The following CNGA3 variants were observed in gnomAD, a reference collection of about 807,000 sequenced individuals.
CNGA3 encodes the protein cyclic nucleotide gated channel subunit alpha 3, also known as cyclic nucleotide-gated channel alpha-3.
In CNGA3, 42 loss-of-function variants were observed where a neutral mutation model predicts 46.6. That is an observed-to-expected ratio of 0.90 (90% confidence interval 0.70 to 1.17). CNGA3 has a LOEUF of 1.17. Ranked by LOEUF, CNGA3 falls within the 50% of genes most tolerant of loss-of-function variation. The probability of loss-of-function intolerance (pLI) is 0.00; values close to 1 mark genes in which losing one functional copy is unlikely to be tolerated. For missense variants in CNGA3, 893 were observed against 890.7 expected, an observed-to-expected ratio of 1.00 and a Z score of -0.03; for synonymous variants, 394 against 369.4, an observed-to-expected ratio of 1.07 and a Z score of -0.76.
At chr2:98,348,660 T>C (rs552601807) in intron 1 of CNGA3, among the ~76,000 whole-genome samples, 1 of 152,348 alleles carries the variant, frequency 6.6e-6, no homozygotes, top group Non-Finnish European at 1.5e-5. Flanking sequence ...GCCATGCTTT[T>C]TTCTCTACTG....
intron 1 of CNGA3, among the ~76,000 whole-genome samples, chr2:98,348,999 G>GA (rs1456694313): frequency 3.9e-5 from 6 of 152,236 alleles, no homozygotes; most frequent in African/African-American, 1.4e-4. Flanking sequence ...AGCAAGAGAG[G>GA]AAAATCTCTC....
intron 1 of CNGA3, among the ~76,000 whole-genome samples, chr2:98,350,547 A>G (rs1691749084): frequency 6.6e-6 from 1 of 152,172 alleles, no homozygotes; most frequent in Non-Finnish European, 1.5e-5. Flanking sequence ...CAACCTGAAC[A>G]GCTGAATCTT....
At chr2:98,369,027 T>C (rs1190016318) in intron 1 of CNGA3, among the ~76,000 whole-genome samples, 9 of 152,244 alleles carry the variant, frequency 5.9e-5, no homozygotes, top group Non-Finnish European at 5.9e-5. Flanking sequence ...TCTGGAATAA[T>C]GGCTGATAAT....
At chr2:98,347,922 G>A (rs1691678973) in intron 1 of CNGA3, among the ~76,000 whole-genome samples, 1 of 152,234 alleles carries the variant, frequency 6.6e-6, no homozygotes, top group African/African-American at 2.4e-5. Flanking sequence ...GGAGTCCAAT[G>A]TACAGCGTGC....
intron 1 of CNGA3, among the ~76,000 whole-genome samples, chr2:98,358,041 C>T (rs149143245): frequency 6.4e-4 from 97 of 152,338 alleles, no homozygotes; most frequent in African/African-American, 2.2e-3. Context: ...GGAAGTGCCT[C>T]GCACCCAGGG....
intron 1 of CNGA3, among the ~76,000 whole-genome samples, chr2:98,355,612 C>T (rs1353920076): frequency 6.6e-6 from 1 of 152,186 alleles, no homozygotes; most frequent in Admixed American, 6.5e-5. Context: ...ACTGACATGT[C>T]TTCTGTACCA....
chr2:98,352,110 A>G (rs375822166), intron 1 of CNGA3, among the ~76,000 whole-genome samples: 1 of 152,114 alleles, frequency 6.6e-6, no homozygotes, highest in Non-Finnish European at 1.5e-5. Context: ...GAAATTATAT[A>G]TTATGTGACT....
intron 6 of CNGA3, 37 bp downstream of exon 6, chr2:98,389,811 G>A (rs1193518648): frequency 2.6e-5 from 41 of 1,561,822 alleles, no homozygotes; most frequent in Non-Finnish European, 3.6e-5. Flanking sequence ...CGGAAAGGGG[G>A]AAACCAGGGC....
rs186866525 is a variant in CNGA3 at position 98,378,475 on chromosome 2, G to A, written c.215+675G>A. 1.3e-3 allele frequency among the ~76,000 whole-genome samples: 200 copies of A among 152,280 alleles called. 3 individuals carry two copies. Among genetic ancestry groups the A allele is most frequent in the African/African-American group, 1.7e-4 (7 of 41,548 alleles). On this transcript the variant is annotated intron_variant, in intron 3 of 7. Coordinates refer to ENST00000272602, the MANE Select transcript of CNGA3 (RefSeq NM_001298.3). ...CAGGCTCATTATTTCCTTCCACCAC[G>A]TGGTTTTTTCCAATGCCAGAGTCTT...
rs1574392336 is a variant in CNGA3, at chr2:98,397,205, G to A, written c.2035G>A (p.Asp679Asn). 1 of 1,614,106 alleles carries A rather than the reference G, an allele frequency of 6.2e-7. No homozygotes were observed. Among genetic ancestry groups the A allele is most frequent in the Non-Finnish European group, 8.5e-7 (1 of 1,180,032 alleles). Reference protein sequence around the residue: ...VKGGGDKPLADGEVPGDATKT... With the variant: ...VKGGGDKPLANGEVPGDATKT... Reference sequence around the variant, plus strand: ...GGGTGGTGGGGACAAGCCCCTGGCTGATGGGGAAGTTCCCGGGGATGCTAC... The same window carrying A: ...GGGTGGTGGGGACAAGCCCCTGGCTAATGGGGAAGTTCCCGGGGATGCTAC... Residue 679 changes from aspartate to asparagine, a missense_variant, in exon 8 of 8, where the codon GAT becomes AAT. By Grantham distance (23) the Asp-to-Asn change is conservative. Around this residue, in one of 3 missense-constraint regions of CNGA3, gnomAD observed 548 missense variants for 570.8 expected, o/e 0.96. Transcript: ENST00000272602.
chr2:98,371,178 T>G (rs916135712), intron 2 of CNGA3, among the ~76,000 whole-genome samples: 2 of 152,192 alleles, frequency 1.3e-5, no homozygotes, highest in Non-Finnish European at 2.9e-5. Flanking sequence ...GCAACTTTCT[T>G]TCCAATGTTT....
intron 1 of CNGA3, among the ~76,000 whole-genome samples, chr2:98,366,833 G>T (rs556589232): frequency 1.3e-4 from 20 of 152,306 alleles, no homozygotes; most frequent in African/African-American, 4.3e-4. Context: ...TGTAGAGGCC[G>T]CCAAGAATCT....
At chr2:98,383,884 G>GTTGT (rs773655479) in intron 5 of CNGA3, among the ~76,000 whole-genome samples, 13 of 150,674 alleles carry the variant, frequency 8.6e-5, no homozygotes, top group Non-Finnish European at 1.3e-4. Context: ...TGTTGTTATT[G>GTTGT]TTGTTTGTTT....
chr2:98,386,595 C>T (rs115231906), intron 5 of CNGA3, among the ~76,000 whole-genome samples: 4,247 of 152,328 alleles, frequency 0.028, 138 homozygotes, highest in African/African-American at 0.082. Context: ...TACCCACCCT[C>T]GGGTATGCCT....
intron 1 of CNGA3, among the ~76,000 whole-genome samples, chr2:98,353,102 T>C (rs55773255): frequency 1.3e-5 from 2 of 152,060 alleles, no homozygotes; most frequent in African/African-American, 2.4e-5. Flanking sequence ...TTACAATAGA[T>C]TAAGCAAGAA....
At chr2:98,373,458 C>T (rs1398692748) in intron 2 of CNGA3, among the ~76,000 whole-genome samples, 1 of 152,124 alleles carries the variant, frequency 6.6e-6, no homozygotes, top group Non-Finnish European at 1.5e-5. Flanking sequence ...GGTATGGCCC[C>T]TCGCTGAGTG....
chr2:98,365,141 G>A (rs1055600394), intron 1 of CNGA3, among the ~76,000 whole-genome samples: 2 of 151,846 alleles, frequency 1.3e-5, no homozygotes, highest in African/African-American at 2.4e-5. Flanking sequence ...CGGTTCAAGC[G>A]ATTCTCCTGC....
chr2:98,378,091 G>C, intron 3 of CNGA3: 1 of 1,550,936 alleles, frequency 6.4e-7, no homozygotes, highest in South Asian at 1.2e-5. Context: ...GCCAACCGGA[G>C]AAGGTGGTAA....
rs758532523 is a variant in CNGA3 at position 98,369,959 on chromosome 2, TG to T, written c.-16del. The T allele has an allele frequency of 2.6e-5, 41 of 1,606,524 alleles. No individual in the cohort carries two copies. The African/African-American group carries it at 2.9e-4, about 12-fold the overall frequency. ...TTTAGCAATCATCTGGGGGGCTAAA[TG>T]TGACAAACCGAGAAGATGGCCAAGA... On this transcript the variant is annotated 5_prime_UTR_variant, in exon 2 of 8. The change abolishes an upstream ATG in the 5' untranslated region. Transcript: ENST00000272602.
Sources: allele counts gnomAD v4.1 joint callset (sites outside exome capture counted in the v4.1 genomes callset), GRCh38; gene constraint gnomAD v4.1.1; regional missense constraint gnomAD v4.1.1; transcripts MANE v1.5; gene names NCBI Gene and HGNC (gene_info 2026-07-23, HGNC 2026-07-21).